TGM7: variants seen among roughly 807,000 people sequenced by gnomAD.
TGM7 encodes transglutaminase 7.
A neutral mutation model predicts 79.5 loss-of-function variants in TGM7; 74 were observed. That is an observed-to-expected ratio of 0.93 (90% CI 0.77 to 1.13). The LOEUF is 1.13. Ranked by LOEUF, TGM7 falls within the 50% of genes most tolerant of loss-of-function variation. The pLI, the probability that TGM7 is intolerant of heterozygous loss-of-function variation, is 0.00. For synonymous variants in TGM7, 354 were observed against 362.5 expected, an observed-to-expected ratio of 0.98 and a Z score of 0.27; for missense variants, 912 against 905.9, an observed-to-expected ratio of 1.01 and a Z score of -0.09.
chr15:43,296,301 T>A (rs1325799691), intron 1 of TGM7, among the ~76,000 whole-genome samples: 2 of 151,912 alleles, frequency 1.3e-5, no homozygotes, highest in Non-Finnish European at 2.9e-5. Flanking sequence ...GGCGGGCACC[T>A]GTAATCTCAG....
intron 10 of TGM7, 82 bp downstream of exon 10, chr15:43,279,543 C>T (rs1370298175): frequency 2.7e-5 from 40 of 1,474,580 alleles, no homozygotes; most frequent in Non-Finnish European, 3.5e-5. Context: ...TGTGTGTAAT[C>T]TGGCTGGGCC....
At chr15:43,279,386 G>T in intron 10 of TGM7, 109 bp from the exon 11 acceptor site, 1 of 1,285,410 alleles carries the variant, frequency 7.8e-7, no homozygotes, top group Non-Finnish European at 1.1e-6. Flanking sequence ...AGGTAAAAGT[G>T]TGTGTGAGAG....
chr15:43,281,243 C>T (rs2042907076), intron 9 of TGM7, among the ~76,000 whole-genome samples: 1 of 152,220 alleles, frequency 6.6e-6, no homozygotes, highest in African/African-American at 2.4e-5. Context: ...TGTGTCCAGT[C>T]TTACACAGGG....
Position 43,293,479 on chromosome 15 carries a change from T to TC in TGM7, c.162dup (p.Asn55GlufsTer9). 6.2e-7 allele frequency: 1 copy of TC among 1,609,828 alleles called. No individual in the cohort carries two copies. Among genetic ancestry groups the TC allele is most frequent in the Non-Finnish European group, 8.5e-7 (1 of 1,178,118 alleles). ...TCAGCCACAAAGGTGATGTGGTCGT[T>TC]CTGGGACTGGAAGGGTCGGCTGAAG... On this transcript the variant is annotated frameshift_variant, in exon 2 of 13. Coordinates refer to ENST00000452443, the MANE Select transcript of TGM7 (RefSeq NM_052955.3). LOFTEE classifies it high-confidence loss of function.
In TGM7 at chr15:43,292,337, T is replaced by G. The variant is rs142353562; in HGVS notation, c.440-240A>C. Among the ~76,000 whole-genome samples, 24 of 152,274 alleles carry G rather than the reference T, an allele frequency of 1.6e-4. No homozygotes were observed. In the East Asian group the frequency reaches 4.6e-3, roughly 29 times the overall value. On this transcript the variant is annotated intron_variant, in intron 3 of 12. Transcript: ENST00000452443. ...TTTCTTGATTGTAAAAGTGACTGAT[T>G]GTAGAGTTGGCTTATTGTAGAGATT... is the stretch of plus-strand genomic sequence containing the variant.
rs754358426 is a variant in TGM7 at position 43,284,858 on chromosome 15, GT to G, written c.959del (p.Asp320AlafsTer26). The G allele has an allele frequency of 1.2e-6, 2 of 1,614,144 alleles. No homozygotes were observed. The highest frequency in any genetic ancestry group is 4.5e-5 in the East Asian group (2 of 44,884). On this transcript the variant is annotated frameshift_variant, in exon 7 of 13. Coordinates refer to ENST00000452443, the MANE Select transcript of TGM7 (RefSeq NM_052955.3). LOFTEE classifies it high-confidence loss of function. ...DRNLTIDTYY[D>X]RNAEMLSTQK... Reference sequence around the variant, plus strand: ...GAGTTGACAGCATCTCGGCATTTCGGTCATAGTACGTATCGATGGTCAAGTT... The same window carrying G: ...GAGTTGACAGCATCTCGGCATTTCGGCATAGTACGTATCGATGGTCAAGTT...
chr15:43,296,127 G>C (rs1357487361), intron 1 of TGM7, among the ~76,000 whole-genome samples: 1 of 152,202 alleles, frequency 6.6e-6, no homozygotes. Context: ...ATAGATCATA[G>C]TTAAAAGTCA....
intron 1 of TGM7, among the ~76,000 whole-genome samples, chr15:43,299,333 C>T (rs2043015502): frequency 2.0e-5 from 3 of 152,254 alleles, no homozygotes; most frequent in South Asian, 4.1e-4. Flanking sequence ...CCTGTCACAA[C>T]GATCTAAGCC....
In TGM7 at chr15:43,289,132, T is replaced by G. The variant is rs143816069; in HGVS notation, c.559-1463A>C. Among the ~76,000 whole-genome samples, 575 of 152,234 alleles carry G rather than the reference T, an allele frequency of 3.8e-3. 3 individuals carry two copies. Among genetic ancestry groups the G allele is most frequent in the African/African-American group, 0.013 (544 of 41,516 alleles). ...AACGTGCAGGTTAGTTACATATGTATACATGTGCCATGTTGGTGTGCTGCA... is the reference window on the plus strand; with the variant it reads ...AACGTGCAGGTTAGTTACATATGTAGACATGTGCCATGTTGGTGTGCTGCA... On this transcript the variant is annotated intron_variant, in intron 4 of 12. Transcript: ENST00000452443.
Position 43,282,087 on chromosome 15 carries a change from C to T in TGM7, c.1109-1G>A. The stretch of plus-strand genomic sequence containing the variant: ...GAGGCAGGGCCACAGCAGAACAGCC[C>T]TGTGGAGGCAACAGGCTACTGATAT... On this transcript the variant is annotated splice_acceptor_variant, in intron 8 of 12. Transcript: ENST00000452443. LOFTEE classifies it high-confidence loss of function. 1.2e-6 allele frequency: 2 copies of T among 1,613,764 alleles called. No homozygotes were observed. Among genetic ancestry groups the T allele is most frequent in the Non-Finnish European group, 1.7e-6 (2 of 1,179,778 alleles).
In TGM7 at chr15:43,282,605, C is replaced by T; in HGVS notation, c.1020G>A (p.Trp340Ter). ...KRDKIWNFHVWNECWMIRKDL... is the reference protein window; with the variant it reads ...KRDKIWNFHV ...CTTTCCGGATCATCCAGCACTCATTCCAGACGTGGAAGTTCCTGCAGGAGG... is the reference window on the plus strand; with the variant it reads ...CTTTCCGGATCATCCAGCACTCATTTCAGACGTGGAAGTTCCTGCAGGAGG... Residue 340 changes from tryptophan (W) to a stop codon, truncating the protein, a stop_gained, in exon 8 of 13, where the codon TGG becomes TGA. Coordinates refer to ENST00000452443, the MANE Select transcript of TGM7 (RefSeq NM_052955.3). LOFTEE classifies it high-confidence loss of function. 6.3e-7 allele frequency: 1 copy of T among 1,596,942 alleles called. No homozygotes were observed. Among genetic ancestry groups the T allele is most frequent in the African/African-American group, 1.3e-5 (1 of 74,856 alleles).
intron 2 of TGM7, 35 bp downstream of exon 2, chr15:43,293,414 G>A (rs1487449679): frequency 3.2e-6 from 5 of 1,547,482 alleles, no homozygotes; most frequent in Non-Finnish European, 4.4e-6. Flanking sequence ...TCATTTTGAC[G>A]GAACCTGCGG....
chr15:43,278,692 G>C (rs1254520434), intron 11 of TGM7, among the ~76,000 whole-genome samples: 1 of 152,194 alleles, frequency 6.6e-6, no homozygotes, highest in African/African-American at 2.4e-5. Flanking sequence ...GGGTTCAAGT[G>C]ATCCTCCCGC....
At chr15:43,287,912 G>A (rs1014717055) in intron 4 of TGM7, among the ~76,000 whole-genome samples, 9 of 152,076 alleles carry the variant, frequency 5.9e-5, no homozygotes, top group African/African-American at 1.4e-4. Flanking sequence ...AACAGAATTC[G>A]GAGAGTGAGA....
chr15:43,284,687 C>G (rs958078872), intron 7 of TGM7, 127 bp downstream of exon 7: 7 of 1,187,454 alleles, frequency 5.9e-6, no homozygotes, highest in South Asian at 4.3e-5. Flanking sequence ...TTCTTCTCTT[C>G]TCTGAGCATT....
chr15:43,286,286 G>A (rs573378373), intron 6 of TGM7, among the ~76,000 whole-genome samples: 1 of 152,274 alleles, frequency 6.6e-6, no homozygotes, highest in South Asian at 2.1e-4. Context: ...CTGGGAGTGG[G>A]GAGAGGCTTG....
intron 3 of TGM7, 36 bp downstream of exon 3, chr15:43,292,673 A>G: frequency 1.2e-6 from 2 of 1,608,424 alleles, no homozygotes; most frequent in Non-Finnish European, 1.7e-6. Context: ...TTCCCAATGG[A>G]TCAGGTTAGC....
chr15:43,280,571 C>T (rs1327956855), intron 9 of TGM7, among the ~76,000 whole-genome samples: 3 of 151,886 alleles, frequency 2.0e-5, no homozygotes, highest in Admixed American at 6.6e-5. Flanking sequence ...TGCAGTGAGC[C>T]GAGATTGCGC....
chr15:43,287,367 C>T lies in TGM7; in HGVS notation c.778G>A (p.Val260Met), dbSNP rs773972953. ...GCTGACCACTGCTGTAGGATGGCCA[C>T]ACTGCCCTTCCACTCCAGAGGACTG... ...GVSPLEWKGS[V>M]AILQQWSARG... is the part of the protein sequence containing the mutation. The change falls in exon 6 of 13, where the codon GTG becomes ATG. Residue 260 changes from valine (V) to methionine (M), a missense_variant. Val to Met is a conservative substitution (Grantham distance 21, BLOSUM62 1). Transcript: ENST00000452443. 5.0e-6 allele frequency: 8 copies of T among 1,614,046 alleles called. No individual in the cohort carries two copies. The African/African-American group carries it at 5.3e-5, about 11-fold the overall frequency.
Sources: allele counts gnomAD v4.1 joint callset (sites outside exome capture counted in the v4.1 genomes callset), GRCh38; gene constraint gnomAD v4.1.1; transcripts MANE v1.5; gene names NCBI Gene and HGNC (gene_info 2026-07-23, HGNC 2026-07-21).